DOCK5: variants seen among roughly 807,000 people sequenced by gnomAD.
DOCK5 encodes dedicator of cytokinesis protein 5.
DOCK5 carries 142 observed loss-of-function variants against 251.8 expected under a neutral mutation model. The observed-to-expected ratio is 0.56, with a 90% CI of 0.49 to 0.65. The LOEUF (loss-of-function observed/expected upper bound fraction) is 0.65, where lower values mean the gene tolerates loss of function less well. Ranked by LOEUF, DOCK5 falls within the 30% of genes least tolerant of loss-of-function variation. The probability of loss-of-function intolerance (pLI) is 0.00; values close to 1 mark genes in which losing one functional copy is unlikely to be tolerated. For missense variants in DOCK5, 2,111 were observed against 2,312.3 expected (o/e 0.91, Z 1.79); for synonymous variants, 842 against 835.5 (o/e 1.01, Z -0.13).
intron 51 of DOCK5, among the ~76,000 whole-genome samples, chr8:25,410,499 T>A (rs1286203218): frequency 6.6e-6 from 1 of 151,968 alleles, no homozygotes; most frequent in Non-Finnish European, 1.5e-5. Context: ...TCTGGCTCTG[T>A]CACCCAGGCT....
intron 1 of DOCK5, among the ~76,000 whole-genome samples, chr8:25,197,575 C>CTTTTTTTTTTTTTTT (rs541455591): frequency 3.7e-5 from 4 of 108,306 alleles, no homozygotes; most frequent in Admixed American, 9.9e-5. Context: ...GTGTCTTTGT[C>CTTTTTTTTTTTTTTT]TTTTTTTTTT....
chr8:25,225,662 C>T (rs71517808), intron 1 of DOCK5, among the ~76,000 whole-genome samples: 1 of 150,418 alleles, frequency 6.6e-6, no homozygotes, highest in East Asian at 2.0e-4. Context: ...GCCGAGATCT[C>T]GTCACTGCAC....
At chr8:25,241,726 A>C (rs1448222569) in intron 1 of DOCK5, among the ~76,000 whole-genome samples, 1 of 152,210 alleles carries the variant, frequency 6.6e-6, no homozygotes, top group African/African-American at 2.4e-5. Flanking sequence ...GGCACTATTC[A>C]CAATAGCAGA....
chr8:25,385,412 G>A (rs1801148055), intron 40 of DOCK5, among the ~76,000 whole-genome samples: 1 of 152,082 alleles, frequency 6.6e-6, no homozygotes, highest in Admixed American at 6.6e-5. Flanking sequence ...GTGGAGATGA[G>A]GTCACAGCCA....
At chr8:25,374,285 G>C (rs1800925137) in intron 36 of DOCK5, among the ~76,000 whole-genome samples, 1 of 152,190 alleles carries the variant, frequency 6.6e-6, no homozygotes, top group African/African-American at 2.4e-5. Context: ...TATGGAATGA[G>C]CTGAACACTA....
intron 1 of DOCK5, among the ~76,000 whole-genome samples, chr8:25,229,262 A>G (rs1028477356): frequency 3.4e-4 from 52 of 152,116 alleles, no homozygotes; most frequent in African/African-American, 1.2e-3. Flanking sequence ...CAGGCAGATC[A>G]CCTGAGGTTA....
At chr8:25,374,027 G>A (rs1306811872) in intron 36 of DOCK5, among the ~76,000 whole-genome samples, 2 of 152,170 alleles carry the variant, frequency 1.3e-5, no homozygotes, top group African/African-American at 4.8e-5. Context: ...TGTTGTTGGG[G>A]AGAGATTCCA....
intron 1 of DOCK5, among the ~76,000 whole-genome samples, chr8:25,215,077 T>A (rs1426501358): frequency 6.6e-6 from 1 of 152,158 alleles, no homozygotes; most frequent in Non-Finnish European, 1.5e-5. Flanking sequence ...AACATGCCTG[T>A]CCTGGAGCTG....
At position 25,345,518 on chromosome 8, in the gene DOCK5, C is replaced by A; in HGVS notation, c.2661C>A (p.Ser887Arg). ...TGCCACTGCTGACAGACCAGCTCAG[C>A]GGCCAGTTAGATGACAACTCCAACA... is the stretch of plus-strand genomic sequence containing the variant. ...VLLPLLTDQL[S>R]GQLDDNSNKP... The change falls in exon 26 of 52, where the codon AGC (serine) becomes AGA (arginine). Residue 887 changes from serine to arginine, a missense_variant. Physicochemically the swap from Ser to Arg is moderately radical, Grantham distance 110. Around this residue, in one of 3 missense-constraint regions of DOCK5, gnomAD observed 1,717 missense variants for 1,892.4 expected, o/e 0.91. Transcript: ENST00000276440. 6.2e-7 allele frequency: 1 copy of A among 1,613,874 alleles called. No homozygotes were observed. Among genetic ancestry groups the A allele is most frequent in the Non-Finnish European group, 8.5e-7 (1 of 1,179,886 alleles).
intron 27 of DOCK5, among the ~76,000 whole-genome samples, chr8:25,354,027 TAAAAAA>T (rs1291938160): frequency 1.3e-4 from 1 of 7,756 alleles, no homozygotes; most frequent in Non-Finnish European, 7.0e-4. Flanking sequence ...GACTTTGTCT[TAAAAAA>T]AAAAAAAAAA....
intron 1 of DOCK5, among the ~76,000 whole-genome samples, chr8:25,224,702 TC>T (rs1304162714): frequency 1.3e-5 from 2 of 152,162 alleles, no homozygotes; most frequent in Non-Finnish European, 2.9e-5. Flanking sequence ...CATATTTTCT[TC>T]CTATAACACA....
intron 13 of DOCK5, among the ~76,000 whole-genome samples, chr8:25,313,314 T>G (rs1805151445): frequency 6.6e-6 from 1 of 152,188 alleles, no homozygotes; most frequent in Admixed American, 6.5e-5. Context: ...AGAGTAGCTC[T>G]CATGAGAGTC....
intron 49 of DOCK5, 23 bp downstream of exon 49, chr8:25,408,177 A>G: frequency 1.3e-6 from 2 of 1,550,982 alleles, no homozygotes; most frequent in Non-Finnish European, 1.7e-6. Context: ...AAAGAAAAAA[A>G]GAAATCTCTG....
chr8:25,201,291 T>C (rs373313963), intron 1 of DOCK5, among the ~76,000 whole-genome samples: 6 of 152,236 alleles, frequency 3.9e-5, no homozygotes, highest in African/African-American at 1.4e-4. Flanking sequence ...TATGATGTAA[T>C]TGTATTATTT....
intron 1 of DOCK5, among the ~76,000 whole-genome samples, chr8:25,186,444 G>A (rs1019651375): frequency 2.0e-5 from 3 of 150,482 alleles, no homozygotes; most frequent in South Asian, 2.1e-4. Context: ...GCGCAATCTC[G>A]GCTCACTGCA....
At chr8:25,265,351 C>T (rs1803714055) in intron 2 of DOCK5, among the ~76,000 whole-genome samples, 1 of 151,952 alleles carries the variant, frequency 6.6e-6, no homozygotes, top group Non-Finnish European at 1.5e-5. Flanking sequence ...GTCTCTTGCG[C>T]TGAACTCTGG....
chr8:25,383,030 G>A (rs777908293), intron 40 of DOCK5, among the ~76,000 whole-genome samples: 5 of 152,208 alleles, frequency 3.3e-5, no homozygotes, highest in African/African-American at 7.2e-5. Flanking sequence ...ACCATCCCCC[G>A]CACTGGTCAG....
At chr8:25,219,471 C>G (rs1022209751) in intron 1 of DOCK5, among the ~76,000 whole-genome samples, 2 of 152,142 alleles carry the variant, frequency 1.3e-5, no homozygotes, top group Non-Finnish European at 2.9e-5. Flanking sequence ...TCCTTTTCCT[C>G]TCTCCATTGT....
intron 2 of DOCK5, among the ~76,000 whole-genome samples, chr8:25,261,276 T>C (rs1037589804): frequency 3.9e-5 from 6 of 152,234 alleles, no homozygotes; most frequent in Non-Finnish European, 7.3e-5. Context: ...TTGAATACCC[T>C]GCTTTCCTAA....
Sources: gnomAD v4.1 joint callset for allele counts (sites outside exome capture counted in the v4.1 genomes callset) on GRCh38, gnomAD v4.1.1 for gene constraint, gnomAD v4.1.1 regional missense constraint, MANE v1.5 for transcripts, NCBI Gene and HGNC (gene_info 2026-07-23, HGNC 2026-07-21) for gene names.